DOCK9: variants seen among roughly 807,000 people sequenced by gnomAD.
DOCK9 encodes the protein dedicator of cytokinesis protein 9.
In DOCK9, 89 loss-of-function variants were observed where a neutral mutation model predicts 263.3. That is an observed-to-expected ratio of 0.34 (90% confidence interval 0.28 to 0.40). The LOEUF (loss-of-function observed/expected upper bound fraction) is 0.40. Among genes scored for constraint, DOCK9 ranks in the 10% least tolerant of loss-of-function variants. DOCK9 has a pLI of 1.00. For missense variants in DOCK9, 2,140 were observed against 2,603.4 expected, an observed-to-expected ratio of 0.82 and a Z score of 3.87; for synonymous variants, 976 against 973.1, an observed-to-expected ratio of 1.00 and a Z score of -0.06.
chr13:98,995,836 T>C (rs1880909519), intron 1 of DOCK9, among the ~76,000 whole-genome samples: 1 of 152,092 alleles, frequency 6.6e-6, no homozygotes, highest in South Asian at 2.1e-4. Flanking sequence ...TTCTGAATAG[T>C]GGCTGAGTTA....
At position 98,879,717 on chromosome 13, in the gene DOCK9, T is replaced by C. The variant is rs371497142; in HGVS notation, c.2943+181A>G. ...GGCCTCAGTTTCCCCATCTATAAAATAGGTAAGAACAGTACTTTCCTCAAA... is the reference window on the plus strand; with the variant it reads ...GGCCTCAGTTTCCCCATCTATAAAACAGGTAAGAACAGTACTTTCCTCAAA... On this transcript the variant is annotated intron_variant, in intron 27 of 52. Transcript: ENST00000682017. Among the ~76,000 whole-genome samples, 185 of 152,246 alleles carry C rather than the reference T, an allele frequency of 1.2e-3. 5 individuals are homozygous for C. The South Asian group carries it at 0.036, about 30-fold the overall frequency.
intron 35 of DOCK9, among the ~76,000 whole-genome samples, chr13:98,850,535 GCTCT>G (rs61516899): frequency 0.49 from 74,912 of 151,602 alleles, 18,768 homozygotes; most frequent in Middle Eastern, 0.6. Flanking sequence ...ACATAATTTT[GCTCT>G]CTGAGTTTTA....
upstream of DOCK9, among the ~76,000 whole-genome samples, chr13:98,979,215 A>G (rs1365489814): frequency 1.5e-5 from 2 of 130,032 alleles, no homozygotes; most frequent in Non-Finnish European, 3.3e-5. Flanking sequence ...TAGTAGTAGT[A>G]GTAGTAGTAG....
chr13:98,999,562 G>A (rs1881870713), intron 1 of DOCK9, among the ~76,000 whole-genome samples: 1 of 152,086 alleles, frequency 6.6e-6, no homozygotes, highest in Non-Finnish European at 1.5e-5. Flanking sequence ...AACATAAACA[G>A]TACTAAAACT....
chr13:99,005,252 C>T (rs1883121560), intron 1 of DOCK9, among the ~76,000 whole-genome samples: 1 of 152,196 alleles, frequency 6.6e-6, no homozygotes, highest in Admixed American at 6.5e-5. Flanking sequence ...TCACTTAAAC[C>T]TTAACCCTTA....
intron 15 of DOCK9, among the ~76,000 whole-genome samples, chr13:98,896,436 G>GCAAT (rs1219101051): frequency 6.7e-6 from 1 of 150,202 alleles, no homozygotes; most frequent in Non-Finnish European, 1.5e-5. Context: ...AGAAAGCTAA[G>GCAAT]CAATCATTCT....
intron 1 of DOCK9, among the ~76,000 whole-genome samples, chr13:99,030,889 C>G (rs977347877): frequency 2.6e-5 from 4 of 152,170 alleles, no homozygotes; most frequent in Non-Finnish European, 4.4e-5. Flanking sequence ...CAAATTCTTT[C>G]TTTTTAATGA....
rs772808471 is a variant in DOCK9, at chr13:98,902,376, G to A, written c.1292C>T (p.Thr431Met). 21 of 1,614,030 alleles carry A rather than the reference G, an allele frequency of 1.3e-5. No individual in the cohort carries two copies. The highest frequency in any genetic ancestry group is 4.4e-5 in the South Asian group (4 of 91,084). The change falls in exon 12 of 53, where the codon ACG (threonine) becomes ATG (methionine). Residue 431 changes from threonine to methionine, a missense_variant. This residue lies in a region of DOCK9 where 1,521 missense variants were observed against 1,741.7 expected (regional missense o/e 0.87). Coordinates refer to ENST00000682017, the MANE Select transcript of DOCK9 (RefSeq NM_001366683.2). Reference sequence around the variant, plus strand: ...ACTGCCATTCATCAGCGCCGGGGACGTGGTGGCGAGCATTTGCCTCACTGA... The same window carrying A: ...ACTGCCATTCATCAGCGCCGGGGACATGGTGGCGAGCATTTGCCTCACTGA... ...HFSVRQMLAT[T>M]SPALMNGSGQ... is the part of the protein sequence containing the mutation.
Position 98,805,986 on chromosome 13 carries a change from C to T in DOCK9, c.5515-777G>A, listed in dbSNP as rs139580540. 5.3e-4 allele frequency among the ~76,000 whole-genome samples: 80 copies of T among 152,268 alleles called. No individual in the cohort carries two copies. The East Asian group carries it at 0.013, about 24-fold the overall frequency. ...TGTTGGTCAGGCTGGTCTCGAACTC[C>T]CGACCTCAGGTGATCCGCCCGCCTT... On this transcript the variant is annotated intron_variant, in intron 48 of 52. Coordinates refer to ENST00000682017, the MANE Select transcript of DOCK9 (RefSeq NM_001366683.2).
At position 98,845,080 on chromosome 13, in the gene DOCK9, C is replaced by T. The variant is rs540116318; in HGVS notation, c.4198+844G>A. Among the ~76,000 whole-genome samples the T allele has an allele frequency of 1.3e-3, 196 of 152,302 alleles. 1 individual carries two copies. The highest frequency in any genetic ancestry group is 2.9e-3 in the South Asian group (14 of 4,826). Reference sequence around the variant, plus strand: ...TTTTCACGTGCTGTATGGTTGATATCTTTCAGGTGTTCTGCTTTGAGAAAC... The same window carrying T: ...TTTTCACGTGCTGTATGGTTGATATTTTTCAGGTGTTCTGCTTTGAGAAAC... On this transcript the variant is annotated intron_variant, in intron 38 of 52. Coordinates refer to ENST00000682017, the MANE Select transcript of DOCK9 (RefSeq NM_001366683.2).
chr13:98,915,266 C>T (rs1459420362), intron 8 of DOCK9, 63 bp downstream of exon 8: 53 of 1,535,324 alleles, frequency 3.5e-5, no homozygotes, highest in Non-Finnish European at 4.6e-5. Context: ...CTTATACCCA[C>T]CTGGCAAAAA....
intron 1 of DOCK9, among the ~76,000 whole-genome samples, chr13:99,005,802 G>A (rs1257722770): frequency 4.6e-5 from 7 of 152,156 alleles, no homozygotes; most frequent in Admixed American, 6.5e-5. Context: ...CTCAACTCTA[G>A]CACCATTAAA....
At chr13:99,029,229 A>C (rs1252784688) in intron 1 of DOCK9, among the ~76,000 whole-genome samples, 1 of 152,102 alleles carries the variant, frequency 6.6e-6, no homozygotes, top group African/African-American at 2.4e-5. Flanking sequence ...ACCATCACCC[A>C]CACCTCACAG....
chr13:98,813,159 C>T (rs928858056), intron 45 of DOCK9, among the ~76,000 whole-genome samples: 4 of 152,074 alleles, frequency 2.6e-5, no homozygotes, highest in South Asian at 2.1e-4. Flanking sequence ...CCAAGTTCTT[C>T]GGGATTTTCT....
chr13:99,014,540 G>T (rs900286092), intron 1 of DOCK9, among the ~76,000 whole-genome samples: 3 of 152,116 alleles, frequency 2.0e-5, no homozygotes, highest in East Asian at 1.9e-4. Context: ...GATCACAAGG[G>T]CATATGGCAT....
At position 98,883,065 on chromosome 13, in the gene DOCK9, T is replaced by A; in HGVS notation, c.2536A>T (p.Asn846Tyr). 1 of 1,613,888 alleles carries A rather than the reference T, an allele frequency of 6.2e-7. No individual in the cohort carries two copies. The change falls in exon 23 of 53, where the codon AAC becomes TAC. Residue 846 changes from asparagine to tyrosine, a missense_variant. Asn to Tyr is a moderately radical substitution (Grantham distance 143). Around this residue, in one of 2 missense-constraint regions of DOCK9, gnomAD observed 1,521 missense variants for 1,741.7 expected, o/e 0.87. Coordinates refer to ENST00000682017, the MANE Select transcript of DOCK9 (RefSeq NM_001366683.2). ...ACCTTAAGGTACTTTACAAGTTCGT[T>A]TCCTAAGGCTTGGGCTCCAGATTCG... ...KTESGAQALGNELVKYLKSLH... is the reference protein window; with the variant it reads ...KTESGAQALGYELVKYLKSLH...
rs146987029 is a variant in DOCK9 at position 99,013,767 on chromosome 13, G to C, written c.130-58216C>G. Among the ~76,000 whole-genome samples, 4 of 152,282 alleles carry C rather than the reference G, an allele frequency of 2.6e-5. No individual in the cohort carries two copies. In the South Asian group the frequency reaches 6.2e-4, roughly 24 times the overall value. ...AAGAGAAGGAGGAAGTGCTGGAGAC[G>C]GGGCTGGAGGCTGCTGTAAAGATTC... On this transcript the variant is annotated intron_variant, in intron 1 of 32. Coordinates refer to the DOCK9 transcript ENST00000427887.
chr13:98,887,339 G>A (rs1347868993), intron 18 of DOCK9, among the ~76,000 whole-genome samples: 1 of 150,880 alleles, frequency 6.6e-6, no homozygotes, highest in Non-Finnish European at 1.5e-5. Flanking sequence ...ATAATAGGCC[G>A]GGTGGGGTGG....
intron 38 of DOCK9, among the ~76,000 whole-genome samples, chr13:98,839,980 A>T (rs2093150378): frequency 6.6e-6 from 1 of 152,112 alleles, no homozygotes; most frequent in African/African-American, 2.4e-5. Flanking sequence ...TTTTCCTCCA[A>T]CTGTTTCATC....
Sources: gnomAD v4.1 joint callset for allele counts (sites outside exome capture counted in the v4.1 genomes callset) on GRCh38, gnomAD v4.1.1 for gene constraint, gnomAD v4.1.1 regional missense constraint, MANE v1.5 for transcripts, NCBI Gene and HGNC (gene_info 2026-07-23, HGNC 2026-07-21) for gene names.